The following NKAIN3 variants were observed in gnomAD, a reference collection of about 807,000 sequenced individuals.
NKAIN3 encodes sodium/potassium-transporting ATPase subunit beta-1-interacting protein 3.
In NKAIN3, 25 loss-of-function variants were observed where a neutral mutation model predicts 30.2. The ratio of observed to expected loss-of-function variants is 0.83; its 90% CI spans 0.60 to 1.16. The LOEUF is 1.16. Among genes scored for constraint, NKAIN3 ranks in the 50% most tolerant of loss-of-function variants. NKAIN3 has a pLI of 0.00. For synonymous variants in NKAIN3, 91 were observed against 89.6 expected (o/e 1.02, Z -0.09); for missense variants, 225 against 254.1 (o/e 0.89, Z 0.78).
intron 1 of NKAIN3, among the ~76,000 whole-genome samples, chr8:62,526,874 G>T (rs1031249274): frequency 2.6e-5 from 4 of 152,052 alleles, no homozygotes; most frequent in Non-Finnish European, 4.4e-5. Flanking sequence ...AACAACAAAG[G>T]TCTCTGACAC....
chr8:62,748,165 A>G (rs1316093636), intron 4 of NKAIN3, among the ~76,000 whole-genome samples: 1 of 152,144 alleles, frequency 6.6e-6, no homozygotes. Flanking sequence ...CTTCTGCTTT[A>G]TGTGGTATTA....
chr8:62,761,196 G>T (rs1816649863), intron 4 of NKAIN3, among the ~76,000 whole-genome samples: 1 of 152,206 alleles, frequency 6.6e-6, no homozygotes, highest in East Asian at 1.9e-4. Context: ...AAAACTAAAT[G>T]AACTAATTGT....
At chr8:62,745,324 G>A (rs1254858378) in intron 3 of NKAIN3, among the ~76,000 whole-genome samples, 4 of 152,204 alleles carry the variant, frequency 2.6e-5, no homozygotes, top group African/African-American at 4.8e-5. Flanking sequence ...CAAAAGTCAC[G>A]TACGGACCCT....
rs547906593 is a variant in NKAIN3, at chr8:62,968,343, T to C, written c.*2936T>C. 4.6e-5 allele frequency among the ~76,000 whole-genome samples: 7 copies of C among 152,344 alleles called. No individual in the cohort carries two copies. Among genetic ancestry groups the C allele is most frequent in the African/African-American group, 1.7e-4 (7 of 41,590 alleles). ...CCATGGAAATGAGCATTTGCAGTTA[T>C]TGCTTTTGCCTCCAGTCTTATAGAA... On this transcript the variant is annotated 3_prime_UTR_variant, in exon 7 of 7. Transcript: ENST00000623646.
At chr8:62,335,481 C>G (rs1447504086) in intron 1 of NKAIN3, among the ~76,000 whole-genome samples, 1 of 150,578 alleles carries the variant, frequency 6.6e-6, no homozygotes, top group Admixed American at 6.6e-5. Context: ...AAATCTTATT[C>G]CATCAGAGCC....
At chr8:62,373,864 G>C (rs576987482) in intron 1 of NKAIN3, among the ~76,000 whole-genome samples, 1 of 152,052 alleles carries the variant, frequency 6.6e-6, no homozygotes, top group African/African-American at 2.4e-5. Flanking sequence ...TGTAATCCTA[G>C]CACTTTGGGT....
chr8:62,848,667 C>T (rs1819765942), intron 4 of NKAIN3, among the ~76,000 whole-genome samples: 1 of 152,118 alleles, frequency 6.6e-6, no homozygotes, highest in South Asian at 2.1e-4. Context: ...ATTTCTTTCT[C>T]TTGCCTGATT....
chr8:62,810,623 G>A (rs1818455763), intron 4 of NKAIN3, among the ~76,000 whole-genome samples: 1 of 142,106 alleles, frequency 7.0e-6, no homozygotes, highest in Admixed American at 7.2e-5. Flanking sequence ...ATGATTGTAA[G>A]TATGTAGGTA....
intron 1 of NKAIN3, among the ~76,000 whole-genome samples, chr8:62,387,331 A>G (rs1280327983): frequency 7.0e-6 from 1 of 143,356 alleles, no homozygotes; most frequent in Non-Finnish European, 1.5e-5. Context: ...ACACAGAGCT[A>G]ATAAAATAAA....
intron 4 of NKAIN3, among the ~76,000 whole-genome samples, chr8:62,749,243 T>A (rs2130589169): frequency 6.6e-6 from 1 of 152,356 alleles, no homozygotes; most frequent in East Asian, 1.9e-4. Context: ...TTCCCCATAG[T>A]AACTCCAATT....
chr8:62,487,801 T>A (rs932434294), intron 1 of NKAIN3, among the ~76,000 whole-genome samples: 8 of 152,204 alleles, frequency 5.3e-5, no homozygotes, highest in African/African-American at 1.4e-4. Flanking sequence ...GTGTCCATTG[T>A]CATTCTTTCT....
At chr8:62,477,714 T>G (rs999759363) in intron 1 of NKAIN3, among the ~76,000 whole-genome samples, 22 of 151,660 alleles carry the variant, frequency 1.5e-4, no homozygotes, top group Non-Finnish European at 2.9e-4. Context: ...AGCAGTAAAA[T>G]AGAAGTTCTA....
chr8:62,397,602 A>G (rs570368141), intron 1 of NKAIN3, among the ~76,000 whole-genome samples: 330 of 152,288 alleles, frequency 2.2e-3, no homozygotes, highest in African/African-American at 7.4e-3. Flanking sequence ...TTAGTTCTCT[A>G]TCCACTAGAT....
chr8:62,292,851 A>G (rs1813696597), intron 1 of NKAIN3, among the ~76,000 whole-genome samples: 1 of 152,172 alleles, frequency 6.6e-6, no homozygotes, highest in African/African-American at 2.4e-5. Flanking sequence ...CATTCTCCCC[A>G]TCACTTTCAG....
At chr8:62,661,465 C>G (rs1323547441) in intron 3 of NKAIN3, among the ~76,000 whole-genome samples, 1 of 152,196 alleles carries the variant, frequency 6.6e-6, no homozygotes, top group African/African-American at 2.4e-5. Flanking sequence ...TTCTCATGAG[C>G]CTCTACTTCC....
chr8:62,990,619 G>C (rs7388305), intron 5 of NKAIN3: 120,921 of 154,888 alleles, frequency 0.78, 48,284 homozygotes, highest in East Asian at 0.98. Flanking sequence ...CTAAGATCCT[G>C]CAAGCTCATC....
At chr8:62,316,509 A>G (rs1814635281) in intron 1 of NKAIN3, among the ~76,000 whole-genome samples, 1 of 150,934 alleles carries the variant, frequency 6.6e-6, no homozygotes, top group African/African-American at 2.4e-5. Context: ...ATTCCCACCT[A>G]TAAGTGAGAA....
At chr8:62,332,741 G>A (rs529658537) in intron 1 of NKAIN3, among the ~76,000 whole-genome samples, 31 of 152,036 alleles carry the variant, frequency 2.0e-4, no homozygotes, top group African/African-American at 6.0e-4. Flanking sequence ...AGAAGTTTTC[G>A]ACCAGGCACT....
chr8:62,505,830 C>T (rs1807615859), intron 1 of NKAIN3, among the ~76,000 whole-genome samples: 1 of 152,044 alleles, frequency 6.6e-6, no homozygotes, highest in Admixed American at 6.6e-5. Flanking sequence ...CCAAAGTTAT[C>T]TTATAATTCT....
Sources: gnomAD v4.1 joint callset for allele counts (sites outside exome capture counted in the v4.1 genomes callset) on GRCh38, gnomAD v4.1.1 for gene constraint, MANE v1.5 for transcripts, NCBI Gene and HGNC (gene_info 2026-07-23, HGNC 2026-07-21) for gene names.